The following SLC25A53 variants were observed in gnomAD, a reference collection of about 807,000 sequenced individuals.
SLC25A53 encodes the protein mitochondrial carrier triple repeat protein 6.
In SLC25A53, 5 loss-of-function variants were observed where a neutral mutation model predicts 15.0. That is an observed-to-expected ratio of 0.33 (90% CI 0.17 to 0.70). The LOEUF is 0.70. SLC25A53 is among the 30% of genes least tolerant of loss of function. The pLI is 0.67. For synonymous variants in SLC25A53, 95 were observed against 100.0 expected (o/e 0.95, Z 0.30); for missense variants, 216 against 241.6 (o/e 0.89, Z 0.70).
intron 1 of SLC25A53, among the ~76,000 whole-genome samples, chrX:104,140,322 C>CGCGTGTGT (rs1556367321): frequency 9.9e-6 from 1 of 100,896 alleles, no homozygotes; most frequent in Non-Finnish European, 2.0e-5. Context: ...GACAGGATTC[C>CGCGTGTGT]GTGTGTGTGT....
chrX:104,137,947 T>G (rs782190718), intron 1 of SLC25A53, among the ~76,000 whole-genome samples: 4 of 112,315 alleles, frequency 3.6e-5, no homozygotes, highest in Non-Finnish European at 7.5e-5. Context: ...CCTAACATGA[T>G]GGAGACAAGT....
intron 1 of SLC25A53, among the ~76,000 whole-genome samples, chrX:104,153,262 A>ATT (rs199783059): frequency 4.3e-4 from 36 of 83,318 alleles, no homozygotes; most frequent in Admixed American, 3.2e-3. Context: ...ATATATATAT[A>ATT]TTTTTTTTTT....
intron 1 of SLC25A53, among the ~76,000 whole-genome samples, chrX:104,155,898 A>G (rs2075499185): frequency 1.8e-5 from 2 of 109,416 alleles, no homozygotes; most frequent in South Asian, 7.8e-4. Context: ...ATAAAAATAT[A>G]AAAATTAGCC....
chrX:104,142,057 C>T (rs1453078503), intron 1 of SLC25A53, among the ~76,000 whole-genome samples: 1 of 111,726 alleles, frequency 9.0e-6, no homozygotes, highest in South Asian at 3.7e-4. Flanking sequence ...TCAGCCTGGG[C>T]AACATGGTTA....
At chrX:104,147,929 G>C (rs113619477) in intron 1 of SLC25A53, among the ~76,000 whole-genome samples, 3 of 110,633 alleles carry the variant, frequency 2.7e-5, no homozygotes, top group Non-Finnish European at 3.8e-5. Context: ...AATACCATTT[G>C]ACCCAGCCAT....
intron 1 of SLC25A53, among the ~76,000 whole-genome samples, chrX:104,125,555 T>C (rs1222256983): frequency 1.8e-5 from 2 of 112,160 alleles, no homozygotes; most frequent in East Asian, 5.6e-4. Flanking sequence ...TGAATTCTCA[T>C]ACCCATTCCT....
intron 1 of SLC25A53, among the ~76,000 whole-genome samples, chrX:104,129,860 A>ATGTGTGTGTGTG (rs60729916): frequency 4.9e-4 from 44 of 89,979 alleles, no homozygotes; most frequent in East Asian, 1.8e-3. Context: ...ACACAAATGT[A>ATGTGTGTGTGTG]TGTGTGTGTG....
At chrX:104,127,482 C>T (rs1306099706) in intron 1 of SLC25A53, among the ~76,000 whole-genome samples, 1 of 111,332 alleles carries the variant, frequency 9.0e-6, no homozygotes, top group African/African-American at 3.3e-5. Context: ...CATAAAAATG[C>T]ATGTAAAATG....
In SLC25A53 at chrX:104,100,964, G is replaced by C. The variant is rs1377061012; in HGVS notation, c.*3370C>G. 9.0e-6 allele frequency: 1 copy of C among 111,342 alleles called. No homozygotes were observed. Among genetic ancestry groups the C allele is most frequent in the Non-Finnish European group, 1.9e-5 (1 of 53,134 alleles). The allele number at this position is 111,342 out of a possible 1,213,427, so 9.2% of individuals were successfully genotyped here. The stretch of plus-strand genomic sequence containing the variant: ...GTCATATCCCACAAGCTGAGGACTA[G>C]GTTTCACAAGACTGTTCCCAGGCCC... On this transcript the variant is annotated 3_prime_UTR_variant, in exon 2 of 2. Coordinates refer to ENST00000594199, the MANE Select transcript of SLC25A53 (RefSeq NM_001012755.5).
chrX:104,114,358 C>T (rs2075365456), intron 1 of SLC25A53: 5 of 1,211,773 alleles, frequency 4.1e-6, no homozygotes, highest in Non-Finnish European at 4.5e-6. Context: ...GGAGGAAAAA[C>T]TCAAGCGCTT....
chrX:104,108,315 T>C (rs2075322223), intron 1 of SLC25A53, among the ~76,000 whole-genome samples: 1 of 111,368 alleles, frequency 9.0e-6, no homozygotes, highest in South Asian at 3.8e-4. Context: ...CCTCAAAACG[T>C]TGTGGCAGAG....
intron 1 of SLC25A53, among the ~76,000 whole-genome samples, chrX:104,134,508 T>C (rs2075432228): frequency 9.0e-6 from 1 of 111,693 alleles, no homozygotes; most frequent in Non-Finnish European, 1.9e-5. Flanking sequence ...CCAAACCACC[T>C]GAGTTTGAAT....
chrX:104,114,211 T>C (rs1424374797), intron 1 of SLC25A53: 1 of 1,208,069 alleles, frequency 8.3e-7, no homozygotes, highest in Non-Finnish European at 1.1e-6. Context: ...GAGGAGTCTC[T>C]GTCCTTTAGT....
chrX:104,122,317 G>GTTTTTTTTTTTTT (rs200042372), intron 1 of SLC25A53, among the ~76,000 whole-genome samples: 1 of 75,334 alleles, frequency 1.3e-5, no homozygotes, highest in Non-Finnish European at 2.4e-5. Context: ...TTTTTTTTTT[G>GTTTTTTTTTTTTT]TTTTTTTTTT....
chrX:104,134,428 C>A (rs1314565208), intron 1 of SLC25A53, among the ~76,000 whole-genome samples: 1 of 111,506 alleles, frequency 9.0e-6, no homozygotes, highest in Non-Finnish European at 1.9e-5. Context: ...CTGATGCTAA[C>A]TGACAACCCC....
chrX:104,132,374 A>G (rs2075427655), intron 1 of SLC25A53, among the ~76,000 whole-genome samples: 1 of 111,879 alleles, frequency 8.9e-6, no homozygotes, highest in African/African-American at 3.2e-5. Context: ...CAAGCTCCTT[A>G]TGCCCCTGAA....
At chrX:104,142,820 C>T (rs1301737216) in intron 1 of SLC25A53, among the ~76,000 whole-genome samples, 12 of 106,582 alleles carry the variant, frequency 1.1e-4, no homozygotes, top group Non-Finnish European at 2.1e-4. Context: ...ACTCGGGAGG[C>T]TGAAGCAAGA....
intron 1 of SLC25A53, chrX:104,112,538 T>A (rs1238353076): frequency 8.8e-6 from 1 of 113,580 alleles, no homozygotes; most frequent in Non-Finnish European, 1.9e-5. Context: ...TTTGTCTCAG[T>A]CGCCAGAGAC....
chrX:104,145,401 T>C (rs1243215937), intron 1 of SLC25A53, among the ~76,000 whole-genome samples: 3 of 110,575 alleles, frequency 2.7e-5, no homozygotes, highest in Non-Finnish European at 5.7e-5. Context: ...TTAAAAGAAC[T>C]AGAGAAGCAA....
Sources: gnomAD v4.1 joint callset for allele counts (sites outside exome capture counted in the v4.1 genomes callset) on GRCh38, gnomAD v4.1.1 for gene constraint, MANE v1.5 for transcripts, NCBI Gene and HGNC (gene_info 2026-07-23, HGNC 2026-07-21) for gene names.